NRXN3: variants seen among roughly 807,000 people sequenced by gnomAD.
NRXN3 encodes neurexin 3, also known as neurexin III.
A neutral mutation model predicts 137.6 loss-of-function variants in NRXN3; 32 were observed. The observed-to-expected ratio is 0.23, with a 90% CI of 0.18 to 0.31. The LOEUF (loss-of-function observed/expected upper bound fraction) is 0.31, where lower values mean the gene tolerates loss of function less well. Among genes scored for constraint, NRXN3 ranks in the 10% least tolerant of loss-of-function variants. The probability of loss-of-function intolerance (pLI) is 1.00; values close to 1 mark genes in which losing one functional copy is unlikely to be tolerated. For synonymous variants in NRXN3, 798 were observed against 784.5 expected (o/e 1.02, Z -0.29); for missense variants, 1,574 against 2,062.5 (o/e 0.76, Z 4.59).
At chr14:79,474,745 A>G (rs1294639167) in intron 16 of NRXN3, among the ~76,000 whole-genome samples, 1 of 152,130 alleles carries the variant, frequency 6.6e-6, no homozygotes, top group Non-Finnish European at 1.5e-5. Flanking sequence ...CCTGAAGTTT[A>G]TTCTTTAATT....
intron 1 of NRXN3, among the ~76,000 whole-genome samples, chr14:78,201,564 G>A (rs1419693028): frequency 6.6e-6 from 1 of 152,242 alleles, no homozygotes; most frequent in Non-Finnish European, 1.5e-5. Context: ...GGGAGTTGGA[G>A]CAGGGGGAGC....
chr14:79,170,561 T>G (rs532198715), intron 15 of NRXN3, among the ~76,000 whole-genome samples: 1 of 152,246 alleles, frequency 6.6e-6, no homozygotes, highest in South Asian at 2.1e-4. Context: ...GAAAAATTAT[T>G]ATCCATCACT....
intron 16 of NRXN3, among the ~76,000 whole-genome samples, chr14:79,581,788 C>G (rs746717900): frequency 4.6e-5 from 7 of 152,088 alleles, no homozygotes; most frequent in Non-Finnish European, 4.4e-5. Flanking sequence ...TTCTCACCAA[C>G]ACATTGTAAA....
intron 10 of NRXN3, among the ~76,000 whole-genome samples, chr14:78,952,947 C>T (rs1379959745): frequency 6.6e-6 from 1 of 152,158 alleles, no homozygotes; most frequent in Non-Finnish European, 1.5e-5. Context: ...TTTCTACCCC[C>T]TGCGTATGAG....
chr14:78,946,792 C>T lies in NRXN3; in HGVS notation c.2276-10450C>T, dbSNP rs111884251. Among the ~76,000 whole-genome samples, 34 of 152,206 alleles carry T rather than the reference C, an allele frequency of 2.2e-4. 1 individual carries two copies. The highest frequency in any genetic ancestry group is 7.0e-4 in the African/African-American group (29 of 41,526). On this transcript the variant is annotated intron_variant, in intron 10 of 20. Transcript: ENST00000335750. Reference sequence around the variant, plus strand: ...TTGCCAACATAGTCGGTTTTGCATGCGTCATACATGGCCAGGCTTGCTGTA... The same window carrying T: ...TTGCCAACATAGTCGGTTTTGCATGTGTCATACATGGCCAGGCTTGCTGTA...
intron 3 of NRXN3, among the ~76,000 whole-genome samples, chr14:78,289,948 T>A (rs1433618797): frequency 1.4e-5 from 2 of 147,566 alleles, no homozygotes; most frequent in Admixed American, 6.7e-5. Flanking sequence ...TGCTCAATGG[T>A]AGCTCTCATG....
rs528212437 is a variant in NRXN3, at chr14:78,617,680, A to G, written c.758-27440A>G. On this transcript the variant is annotated intron_variant, in intron 4 of 20. Coordinates refer to ENST00000335750, the MANE Select transcript of NRXN3 (RefSeq NM_001330195.2). ...GAGTCTGCTTTGTGACCTGAGCTCG[A>G]CCCTTCACTTTCCTGGGCCTCAGTC... 9.4e-4 allele frequency among the ~76,000 whole-genome samples: 142 copies of G among 151,828 alleles called. 1 individual carries two copies. The highest frequency in any genetic ancestry group is 3.3e-3 in the African/African-American group (136 of 41,404).
chr14:79,042,923 A>T (rs1175654159), intron 15 of NRXN3, among the ~76,000 whole-genome samples: 1 of 151,954 alleles, frequency 6.6e-6, no homozygotes, highest in South Asian at 2.1e-4. Flanking sequence ...TTGCTTAATT[A>T]TCACTGCAGT....
chr14:79,360,201 A>G (rs538238639), intron 15 of NRXN3, among the ~76,000 whole-genome samples: 28 of 152,316 alleles, frequency 1.8e-4, no homozygotes, highest in African/African-American at 5.8e-4. Flanking sequence ...TTCCTGCATC[A>G]AAATGAACAT....
intron 4 of NRXN3, among the ~76,000 whole-genome samples, chr14:78,426,546 A>C (rs1262518515): frequency 6.6e-6 from 1 of 152,228 alleles, no homozygotes; most frequent in African/African-American, 2.4e-5. Flanking sequence ...CAAGATTTGA[A>C]GAACAGTTAA....
In NRXN3 at chr14:78,971,172, C is replaced by A. The variant is rs1184261; in HGVS notation, c.3142+2826C>A. 7.9e-5 allele frequency among the ~76,000 whole-genome samples: 12 copies of A among 152,046 alleles called. No individual in the cohort carries two copies. The East Asian group carries it at 1.2e-3, about 15-fold the overall frequency. ...ATGGTGGGGAGGTAAAGGGAGAGCA[C>A]AAAACACTGGAGACACTGCAAAAAG... On this transcript the variant is annotated intron_variant, in intron 14 of 20. Transcript: ENST00000335750.
chr14:79,802,048 A>G (rs936308433), intron 19 of NRXN3, among the ~76,000 whole-genome samples: 1 of 151,998 alleles, frequency 6.6e-6, no homozygotes, highest in Non-Finnish European at 1.5e-5. Flanking sequence ...TTTTCTGAAA[A>G]AAAAAAAAAA....
chr14:79,676,932 G>A (rs780210333), intron 17 of NRXN3, among the ~76,000 whole-genome samples: 4 of 151,952 alleles, frequency 2.6e-5, no homozygotes, highest in Non-Finnish European at 5.9e-5. Flanking sequence ...CTTTTAAAAA[G>A]GAAAGAAACA....
intron 19 of NRXN3, among the ~76,000 whole-genome samples, chr14:79,706,002 G>GGA (rs2098777052): frequency 6.6e-6 from 1 of 151,814 alleles, no homozygotes; most frequent in Admixed American, 6.6e-5. Flanking sequence ...CCATCCACCA[G>GGA]TACCTTCTCA....
chr14:78,936,508 A>T (rs154326), intron 10 of NRXN3, among the ~76,000 whole-genome samples: 17,141 of 152,168 alleles, frequency 0.11, 1,265 homozygotes, highest in African/African-American at 0.2. Context: ...AGAAAACAGA[A>T]CCCTGGCTGC....
At chr14:79,855,843 G>A (rs1466945793) in intron 20 of NRXN3, among the ~76,000 whole-genome samples, 1 of 152,150 alleles carries the variant, frequency 6.6e-6, no homozygotes, top group African/African-American at 2.4e-5. Context: ...TGCATTGATG[G>A]TTTGAGGTAG....
At chr14:78,559,512 A>G (rs1202963116) in intron 4 of NRXN3, among the ~76,000 whole-genome samples, 1 of 152,218 alleles carries the variant, frequency 6.6e-6, no homozygotes, top group African/African-American at 2.4e-5. Context: ...TATATTCCCA[A>G]AAGTGGTGTT....
At position 78,896,840 on chromosome 14, in the gene NRXN3, G is replaced by A. The variant is rs79631017; in HGVS notation, c.2276-60402G>A. On this transcript the variant is annotated intron_variant, in intron 10 of 20. Transcript: ENST00000335750. ...GTATTTGTTAGCATTCAGAGGGAAT[G>A]GAGATGACGGGAAATGGTAGAACAT... 5.7e-3 allele frequency among the ~76,000 whole-genome samples: 864 copies of A among 151,996 alleles called. 7 individuals carry two copies. The highest frequency in any genetic ancestry group is 0.02 in the African/African-American group (831 of 41,494).
At chr14:78,423,432 C>G (rs1349430746) in intron 4 of NRXN3, among the ~76,000 whole-genome samples, 1 of 152,198 alleles carries the variant, frequency 6.6e-6, no homozygotes, top group Admixed American at 6.5e-5. Context: ...CTCCCCTCCT[C>G]CAACCTTCCA....
Sources: allele counts gnomAD v4.1 joint callset (sites outside exome capture counted in the v4.1 genomes callset), GRCh38; gene constraint gnomAD v4.1.1; transcripts MANE v1.5; gene names NCBI Gene and HGNC (gene_info 2026-07-23, HGNC 2026-07-21).